Variants in KLHL2 observed in about 807,000 individuals in gnomAD.
The protein encoded by KLHL2 is kelch like family member 2, also known as kelch-like protein 2.
A neutral mutation model predicts 75.8 loss-of-function variants in KLHL2; 15 were observed. The observed-to-expected ratio is 0.20, with a 90% CI of 0.13 to 0.30. KLHL2 has a LOEUF of 0.30. KLHL2 is among the 10% of genes least tolerant of loss of function. The probability of loss-of-function intolerance (pLI) is 1.00; values close to 1 mark genes in which losing one functional copy is unlikely to be tolerated. For missense variants in KLHL2, 381 were observed against 741.0 expected (o/e 0.51, Z 5.64); for synonymous variants, 214 against 251.9 (o/e 0.85, Z 1.42).
chr4:165,246,878 C>CT (rs1196759871), intron 4 of KLHL2, among the ~76,000 whole-genome samples: 2 of 152,058 alleles, frequency 1.3e-5, no homozygotes, highest in Non-Finnish European at 2.9e-5. Flanking sequence ...GATGAGGTCA[C>CT]TTTAAGAGGT....
In KLHL2 at chr4:165,207,750, G is replaced by C; in HGVS notation, c.-127G>C. The C allele has an allele frequency of 1.4e-6, 1 of 691,544 alleles. No individual in the cohort carries two copies. Among genetic ancestry groups the C allele is most frequent in the Non-Finnish European group, 2.1e-6 (1 of 482,244 alleles). 42.8% of individuals were successfully genotyped at this position (691,544 alleles called of 1,614,324 possible). A position where few individuals can be genotyped will look rare whatever the true frequency, so the allele number is the denominator to read the frequency against. ...CGCAGGTGGTGGCGCGCGGTGAGGA[G>C]AGCGCGGCGCCCCCTCCGGGGCGGA... On this transcript the variant is annotated 5_prime_UTR_variant, in exon 1 of 15. Coordinates refer to ENST00000226725, the MANE Select transcript of KLHL2 (RefSeq NM_007246.4). This position sits in a 1 kb window ranked among gnomAD's most constrained non-coding sequence, Gnocchi z 4.2.
intron 3 of KLHL2, among the ~76,000 whole-genome samples, chr4:165,235,227 GTCTT>G (rs1203290182): frequency 6.6e-6 from 1 of 152,234 alleles, no homozygotes; most frequent in Non-Finnish European, 1.5e-5. Context: ...GTAAGATAGA[GTCTT>G]TCTCTGTCAC....
chr4:165,225,619 G>A lies in KLHL2; in HGVS notation c.153-3188G>A, dbSNP rs551818833. 5.9e-5 allele frequency among the ~76,000 whole-genome samples: 9 copies of A among 152,162 alleles called. No homozygotes were observed. The South Asian group carries it at 1.7e-3, about 28-fold the overall frequency. On this transcript the variant is annotated intron_variant, in intron 2 of 14. Coordinates refer to ENST00000226725, the MANE Select transcript of KLHL2 (RefSeq NM_007246.4). ...ATTTTTAGTGCCAGACTTTTCATTC[G>A]TAGCTGTCTCACTCAAAACATTCAG...
At chr4:165,250,547 T>C (rs1389394689) in intron 4 of KLHL2, among the ~76,000 whole-genome samples, 9 of 152,244 alleles carry the variant, frequency 5.9e-5, no homozygotes, top group Admixed American at 3.9e-4. Context: ...CTTGAATTTA[T>C]TACTGACTTC....
At chr4:165,255,985 T>C (rs1741134830) in intron 4 of KLHL2, among the ~76,000 whole-genome samples, 1 of 152,048 alleles carries the variant, frequency 6.6e-6, no homozygotes, top group African/African-American at 2.4e-5. Flanking sequence ...GGAATAAATA[T>C]GCAAGCTGAA....
intron 3 of KLHL2, among the ~76,000 whole-genome samples, chr4:165,232,267 C>CA (rs1010193871): frequency 9.3e-4 from 137 of 146,620 alleles, no homozygotes; most frequent in Middle Eastern, 3.5e-3. Flanking sequence ...ACTAAAAATA[C>CA]AAAAAAAAAA....
chr4:165,227,215 G>A (rs1389564575), intron 2 of KLHL2, among the ~76,000 whole-genome samples: 2 of 152,126 alleles, frequency 1.3e-5, no homozygotes, highest in South Asian at 4.2e-4. Context: ...AGCATCATGA[G>A]CCATTAAACT....
rs1196690321 is a variant in KLHL2 at position 165,227,669 on chromosome 4, G to T, written c.153-1138G>T. Among the ~76,000 whole-genome samples, 3 of 152,160 alleles carry T rather than the reference G, an allele frequency of 2.0e-5. No homozygotes were observed. In the South Asian group the frequency reaches 6.2e-4, roughly 32 times the overall value. The stretch of plus-strand genomic sequence containing the variant: ...CATTCATAGTATGACTACTAGCAAG[G>T]CAGGTTTTAGGCTTTGGAGCCTTTT... On this transcript the variant is annotated intron_variant, in intron 2 of 14. Transcript: ENST00000226725.
chr4:165,300,731 CT>C, intron 8 of KLHL2, among the ~76,000 whole-genome samples: 1 of 152,220 alleles, frequency 6.6e-6, no homozygotes, highest in Non-Finnish European at 1.5e-5. Flanking sequence ...AATATAAAGA[CT>C]TTATTTATGT....
chr4:165,310,160 C>T (rs1746041983), intron 9 of KLHL2, among the ~76,000 whole-genome samples: 1 of 152,052 alleles, frequency 6.6e-6, no homozygotes, highest in South Asian at 2.1e-4. Flanking sequence ...CCCATCTCTA[C>T]TAAAAATACA....
intron 2 of KLHL2, among the ~76,000 whole-genome samples, chr4:165,222,836 C>T (rs529699271): frequency 1.6e-4 from 24 of 152,328 alleles, no homozygotes; most frequent in African/African-American, 5.3e-4. Context: ...GTTCTCACCA[C>T]TCTGCCCTTG....
At chr4:165,265,728 T>C (rs972043737) in intron 5 of KLHL2, among the ~76,000 whole-genome samples, 2 of 152,222 alleles carry the variant, frequency 1.3e-5, no homozygotes, top group Non-Finnish European at 2.9e-5. Context: ...CTATCATTGA[T>C]GGACATTGGG....
Position 165,236,920 on chromosome 4 carries a change from T to C in KLHL2, c.260-1858T>C, listed in dbSNP as rs565863129. Among the ~76,000 whole-genome samples, 8 of 151,326 alleles carry C rather than the reference T, an allele frequency of 5.3e-5. No individual in the cohort carries two copies. The East Asian group carries it at 1.5e-3, about 29-fold the overall frequency. ...AAAAACTATAATATTAAAAACTGTT[T>C]GGCAGAGAACTAATTATTTTTCAGT... On this transcript the variant is annotated intron_variant, in intron 3 of 14. Coordinates refer to ENST00000226725, the MANE Select transcript of KLHL2 (RefSeq NM_007246.4).
At chr4:165,216,281 C>G (rs1231584351) in intron 1 of KLHL2, among the ~76,000 whole-genome samples, 1 of 152,160 alleles carries the variant, frequency 6.6e-6, no homozygotes, top group Non-Finnish European at 1.5e-5. Context: ...AGAAGTCAGT[C>G]ACTGAAGGAA....
At chr4:165,321,441 GAATAC>G (rs1302274462) in intron 14 of KLHL2, 2 of 388,494 alleles carry the variant, frequency 5.1e-6, no homozygotes, top group African/African-American at 2.1e-5. Flanking sequence ...CTTACTTTAA[GAATAC>G]AATATATAAC....
chr4:165,288,520 G>A (rs778482168), intron 5 of KLHL2, among the ~76,000 whole-genome samples: 1 of 152,066 alleles, frequency 6.6e-6, no homozygotes, highest in Non-Finnish European at 1.5e-5. Flanking sequence ...CACATCTGTC[G>A]TTCTTCCTTT....
intron 5 of KLHL2, chr4:165,278,077 G>T: frequency 1.3e-6 from 2 of 1,544,438 alleles, no homozygotes; most frequent in Middle Eastern, 1.8e-4. Context: ...AGACACTAGG[G>T]TCACCACCTT....
chr4:165,318,082 T>G, intron 14 of KLHL2, 113 bp downstream of exon 14: 1 of 919,336 alleles, frequency 1.1e-6, no homozygotes, highest in South Asian at 1.6e-5. Flanking sequence ...AGGTATAGTT[T>G]ATATCTTATT....
chr4:165,321,648 G>A (rs1394305074), intron 14 of KLHL2, among the ~76,000 whole-genome samples: 1 of 152,114 alleles, frequency 6.6e-6, no homozygotes, highest in Non-Finnish European at 1.5e-5. Flanking sequence ...AGGGTCAACT[G>A]TATATTTAAA....
Sources: allele counts gnomAD v4.1 joint callset (sites outside exome capture counted in the v4.1 genomes callset), GRCh38; gene constraint gnomAD v4.1.1; non-coding constraint Gnocchi (gnomAD v3.1); transcripts MANE v1.5; gene names NCBI Gene and HGNC (gene_info 2026-07-23, HGNC 2026-07-21).